The following CUX2 variants were observed in gnomAD, a reference collection of about 807,000 sequenced individuals.
CUX2 encodes the protein cut like homeobox 2, also known as homeobox protein cut-like 2.
A neutral mutation model predicts 144.8 loss-of-function variants in CUX2; 40 were observed. That is an observed-to-expected ratio of 0.28 (90% confidence interval 0.21 to 0.36). CUX2 has a LOEUF of 0.36. Among genes scored for constraint, CUX2 ranks in the 10% least tolerant of loss-of-function variants. The pLI is 1.00. For missense variants in CUX2, 1,615 were observed against 1,994.0 expected (o/e 0.81, Z 3.62); for synonymous variants, 827 against 875.6 (o/e 0.94, Z 0.98).
intron 1 of CUX2, among the ~76,000 whole-genome samples, chr12:111,078,696 T>G (rs1020802997): frequency 6.6e-6 from 1 of 151,192 alleles, no homozygotes; most frequent in Non-Finnish European, 1.5e-5. Flanking sequence ...GCGAAGGAGT[T>G]TGGGTTTTCT....
intron 1 of CUX2, among the ~76,000 whole-genome samples, chr12:111,199,302 C>T (rs915345319): frequency 6.6e-6 from 1 of 152,174 alleles, no homozygotes; most frequent in Admixed American, 6.5e-5. Flanking sequence ...GATTCGAACT[C>T]GGGCTTTCCT....
intron 1 of CUX2, among the ~76,000 whole-genome samples, chr12:111,170,466 G>A (rs549140761): frequency 2.7e-4 from 39 of 146,282 alleles, no homozygotes; most frequent in African/African-American, 8.3e-4. Flanking sequence ...TGCCCCCACC[G>A]TGGATCACAG....
At chr12:111,337,712 T>C (rs1888414053) in intron 19 of CUX2, among the ~76,000 whole-genome samples, 2 of 152,200 alleles carry the variant, frequency 1.3e-5, no homozygotes, top group African/African-American at 4.8e-5. Context: ...TTCAGGGATC[T>C]CCTAGGAGTA....
At chr12:111,249,864 G>A (rs1459023208) in intron 3 of CUX2, among the ~76,000 whole-genome samples, 3 of 152,222 alleles carry the variant, frequency 2.0e-5, no homozygotes, top group Middle Eastern at 3.4e-3. Flanking sequence ...ATTCCCCGAT[G>A]ACTAACATCT....
chr12:111,070,112 T>G (rs563898557), intron 1 of CUX2, among the ~76,000 whole-genome samples: 3 of 152,284 alleles, frequency 2.0e-5, no homozygotes, highest in African/African-American at 7.2e-5. Flanking sequence ...TGCCTGGTCT[T>G]ACAAGGAGTT....
intron 21 of CUX2, among the ~76,000 whole-genome samples, chr12:111,343,119 CTATT>C (rs555093361): frequency 8.2e-4 from 125 of 152,122 alleles, no homozygotes; most frequent in African/African-American, 2.9e-3. Context: ...GGAACCCTGA[CTATT>C]CATTGAGCCT....
intron 1 of CUX2, among the ~76,000 whole-genome samples, chr12:111,062,155 G>A (rs757732432): frequency 6.6e-5 from 10 of 152,148 alleles, no homozygotes; most frequent in Admixed American, 1.3e-4. Context: ...TAATCCTTGC[G>A]GAATGAATGT....
chr12:111,330,706 T>C (rs1399577567), intron 18 of CUX2, among the ~76,000 whole-genome samples: 483 of 22,906 alleles, frequency 0.021, 49 homozygotes, highest in African/African-American at 0.074. Context: ...TATATATATA[T>C]ATATATATAT....
intron 1 of CUX2, among the ~76,000 whole-genome samples, chr12:111,169,673 C>G (rs189834322): frequency 2.0e-5 from 3 of 152,320 alleles, no homozygotes; most frequent in Admixed American, 2.0e-4. Flanking sequence ...TGCTTCGCGT[C>G]ACGTTAATAT....
At chr12:111,126,044 T>TC (rs1555271556) in intron 1 of CUX2, among the ~76,000 whole-genome samples, 1 of 130,780 alleles carries the variant, frequency 7.6e-6, no homozygotes, top group African/African-American at 3.7e-5. Flanking sequence ...GGTGGTGGCG[T>TC]GGGGGGGGCG....
intron 1 of CUX2, among the ~76,000 whole-genome samples, chr12:111,046,003 T>C (rs1467510898): frequency 6.6e-6 from 1 of 152,188 alleles, no homozygotes; most frequent in Non-Finnish European, 1.5e-5. Context: ...GGGTGGAGCC[T>C]AGAGATTCGT....
intron 3 of CUX2, among the ~76,000 whole-genome samples, chr12:111,239,111 C>T (rs1199900761): frequency 1.3e-5 from 2 of 152,118 alleles, no homozygotes; most frequent in African/African-American, 4.8e-5. Flanking sequence ...GACACTCAAA[C>T]GTTGGCCAAG....
intron 4 of CUX2, among the ~76,000 whole-genome samples, chr12:111,272,487 T>A (rs1884682905): frequency 6.6e-6 from 1 of 152,158 alleles, no homozygotes; most frequent in South Asian, 2.1e-4. Context: ...TTTTCTGAGA[T>A]GTAGTCTCAC....
At chr12:111,285,242 G>A (rs1001325972) in intron 4 of CUX2, among the ~76,000 whole-genome samples, 16 of 152,160 alleles carry the variant, frequency 1.1e-4, no homozygotes, top group Non-Finnish European at 1.0e-4. Flanking sequence ...GGCACGAAAG[G>A]AATTTATTAG....
intron 1 of CUX2, among the ~76,000 whole-genome samples, chr12:111,041,470 A>G (rs1338665475): frequency 6.6e-6 from 1 of 152,218 alleles, no homozygotes; most frequent in African/African-American, 2.4e-5. Context: ...TATATGTAGT[A>G]TATTTTGGGA....
At chr12:111,089,038 A>T (rs1872408865) in intron 1 of CUX2, among the ~76,000 whole-genome samples, 1 of 152,168 alleles carries the variant, frequency 6.6e-6, no homozygotes, top group Non-Finnish European at 1.5e-5. Context: ...GTTGGGTGGT[A>T]TTATGACATT....
Position 111,076,959 on chromosome 12 carries a change from G to A in CUX2, c.63+42719G>A, listed in dbSNP as rs112366795. 3.1e-3 allele frequency among the ~76,000 whole-genome samples: 478 copies of A among 152,278 alleles called. 2 individuals carry two copies. The highest frequency in any genetic ancestry group is 0.011 in the African/African-American group (458 of 41,540). On this transcript the variant is annotated intron_variant, in intron 1 of 21. Coordinates refer to ENST00000261726, the MANE Select transcript of CUX2 (RefSeq NM_015267.4). ...CGAGAAGTTGGTGAGAAAACCCGTC[G>A]CCCCTCGGGGCCCTGCTGGACACAT...
chr12:111,244,467 G>A (rs1014126283), intron 3 of CUX2, among the ~76,000 whole-genome samples: 8 of 152,254 alleles, frequency 5.3e-5, no homozygotes, highest in Non-Finnish European at 1.0e-4. Flanking sequence ...TTCAATCCCA[G>A]CTCTGTCCGG....
intron 1 of CUX2, among the ~76,000 whole-genome samples, chr12:111,058,309 T>C (rs760584524): frequency 6.6e-6 from 1 of 152,194 alleles, no homozygotes; most frequent in Admixed American, 6.5e-5. Flanking sequence ...GTAAACCCAG[T>C]TGGGAATGGT....
Sources: gnomAD v4.1 joint callset for allele counts (sites outside exome capture counted in the v4.1 genomes callset) on GRCh38, gnomAD v4.1.1 for gene constraint, MANE v1.5 for transcripts, NCBI Gene and HGNC (gene_info 2026-07-23, HGNC 2026-07-21) for gene names.